Variants in CD99 observed in about 807,000 individuals in gnomAD.
CD99 encodes CD99 antigen.
CD99 carries 19 observed loss-of-function variants against 28.4 expected under a neutral mutation model. The ratio of observed to expected loss-of-function variants is 0.67; its 90% CI spans 0.47 to 0.98. The LOEUF (loss-of-function observed/expected upper bound fraction) is 0.98. Ranked by LOEUF, CD99 falls within the 50% of genes least tolerant of loss-of-function variation. The probability of loss-of-function intolerance (pLI) is 0.00; values close to 1 mark genes in which losing one functional copy is unlikely to be tolerated. For missense variants in CD99, 283 were observed against 248.8 expected (o/e 1.14, Z -0.92); for synonymous variants, 103 against 92.1 (o/e 1.12, Z -0.67).
intron 4 of CD99, 104 bp downstream of exon 4, chrX:2,719,809 GT>G: frequency 8.0e-7 from 1 of 1,245,754 alleles, no homozygotes; most frequent in Non-Finnish European, 1.2e-6. Context: ...AAGGGAACCA[GT>G]TTTCACAGTG....
At chrX:2,717,702 C>G (rs1330703324) in intron 3 of CD99, 50 bp downstream of exon 3, 1 of 1,546,040 alleles carries the variant, frequency 6.5e-7, no homozygotes, top group African/African-American at 1.4e-5. Flanking sequence ...AAATCATTTT[C>G]TCGGACAGCA....
At position 2,691,478 on chromosome X, in the gene CD99, G is replaced by A. The variant is rs765532414; in HGVS notation, c.67+51G>A. 5 of 1,540,654 alleles carry A rather than the reference G, an allele frequency of 3.2e-6. No homozygotes were observed. The African/African-American group carries it at 4.1e-5, about 13-fold the overall frequency. On this transcript the variant is annotated intron_variant, in intron 1 of 9. Transcript: ENST00000381192. ...GGGGGACGCGGAGGGCGCGGGCCGG[G>A]ACTGGGGATCCGCTTGAGATGCGGC...
chrX:2,705,021 G>C (rs1457352785), intron 1 of CD99, among the ~76,000 whole-genome samples: 1 of 152,162 alleles, frequency 6.6e-6, no homozygotes, highest in Non-Finnish European at 1.5e-5. Context: ...GGCCACCTAT[G>C]TATAATTTTC....
At position 2,691,425 on chromosome X, in the gene CD99, C is replaced by G. The variant is rs1181373499; in HGVS notation, c.65C>G (p.Pro22Arg). 11 of 1,583,076 alleles carry G rather than the reference C, an allele frequency of 6.9e-6. No individual in the cohort carries two copies. Among genetic ancestry groups the G allele is most frequent in the Admixed American group, 1.7e-5 (1 of 58,562 alleles). Reference sequence around the variant, plus strand: ...CTGCTGGGTGTTCTGGTCGCCGCCCCGGGTGAGCGAGCGGAGGGATCCGGG... The same window carrying G: ...CTGCTGGGTGTTCTGGTCGCCGCCCGGGGTGAGCGAGCGGAGGGATCCGGG... ...FGLLGVLVAA[P>R]DGGFDLSDAL... Residue 22 changes from proline to arginine, a missense_variant and splice_region_variant, in exon 1 of 10, where the codon CCG becomes CGG. Transcript: ENST00000381192.
chrX:2,739,306 TGTG>T (rs1038719456), intron 9 of CD99, among the ~76,000 whole-genome samples: 4 of 152,044 alleles, frequency 2.6e-5, no homozygotes, highest in East Asian at 1.9e-4. Flanking sequence ...AAGAAAAAAA[TGTG>T]TGTGTGTATA....
chrX:2,698,994 A>G (rs2047709918), intron 1 of CD99, among the ~76,000 whole-genome samples: 1 of 147,412 alleles, frequency 6.8e-6, no homozygotes, highest in Non-Finnish European at 1.5e-5. Context: ...TGGTACAGTC[A>G]TAGCTCACTG....
At chrX:2,731,422 T>G (rs1436958327) in intron 8 of CD99, among the ~76,000 whole-genome samples, 1 of 152,132 alleles carries the variant, frequency 6.6e-6, no homozygotes, top group African/African-American at 2.4e-5. Flanking sequence ...AAACCCTGGC[T>G]CTACTAAAAA....
In CD99 at chrX:2,719,725, C is replaced by T. The variant is rs760857735; in HGVS notation, c.193+20C>T. The T allele has an allele frequency of 1.2e-6, 2 of 1,609,518 alleles. No individual in the cohort carries two copies. The highest frequency in any genetic ancestry group is 1.7e-5 in the Admixed American group (1 of 59,998). ...AAAATGGTGAGTATTTTCCTTTAAT[C>T]TCTTCTGCTGCTGATCTGCTTATTA... is the stretch of plus-strand genomic sequence containing the variant. On this transcript the variant is annotated intron_variant, in intron 4 of 9. Coordinates refer to ENST00000381192, the MANE Select transcript of CD99 (RefSeq NM_002414.5).
In CD99 at chrX:2,740,791, T is replaced by C. The variant is rs759414214; in HGVS notation, c.545T>C (p.Leu182Pro). ...CTGTCTCCCACAGTTCAGCGTACTC[T>C]TTTAGAGAAATAGAAGATTGTCGGC... Reference protein sequence around the residue: ...ANAEPAVQRTLLEK With the variant: ...ANAEPAVQRTPLEK The change falls in exon 10 of 10, where the codon CTT becomes CCT. Residue 182 changes from leucine (L) to proline (P), a missense_variant. By Grantham distance (98) the Leu-to-Pro change is moderately conservative (BLOSUM62 -3). Transcript: ENST00000381192. The C allele has an allele frequency of 6.2e-7, 1 of 1,613,948 alleles. No homozygotes were observed. Among genetic ancestry groups the C allele is most frequent in the Non-Finnish European group, 8.5e-7 (1 of 1,179,852 alleles).
At chrX:2,738,422 C>T (rs945366714) in intron 9 of CD99, 166 bp downstream of exon 9, 1 of 180,520 alleles carries the variant, frequency 5.5e-6, no homozygotes, top group South Asian at 1.8e-4. Flanking sequence ...TTTCAAAAGA[C>T]AATGAATGTG....
intron 1 of CD99, among the ~76,000 whole-genome samples, chrX:2,712,490 ATATT>A (rs1458940602): frequency 6.6e-6 from 1 of 152,130 alleles, no homozygotes; most frequent in Non-Finnish European, 1.5e-5. Flanking sequence ...GTGCATATAT[ATATT>A]TATATGTGCG....
At chrX:2,694,086 G>A (rs1386241666) in intron 1 of CD99, among the ~76,000 whole-genome samples, 2 of 152,130 alleles carry the variant, frequency 1.3e-5, no homozygotes, top group African/African-American at 4.8e-5. Flanking sequence ...CTGCCGTCCC[G>A]ACAGTAGAGT....
chrX:2,702,443 C>T lies in CD99; in HGVS notation c.67+11016C>T, dbSNP rs144985469. ...GAGAAAGACAATGATATATTTTGGA[C>T]ACCATGAGAAATACTGTTATTAACT... On this transcript the variant is annotated intron_variant, in intron 1 of 9. Transcript: ENST00000381192. Among the ~76,000 whole-genome samples, 14 of 152,246 alleles carry T rather than the reference C, an allele frequency of 9.2e-5. No individual in the cohort carries two copies. The East Asian group carries it at 2.7e-3, about 29-fold the overall frequency.
chrX:2,739,920 T>TAAAAAAA (rs760923352), intron 9 of CD99, among the ~76,000 whole-genome samples: 2 of 110,138 alleles, frequency 1.8e-5, no homozygotes, highest in Admixed American at 9.5e-5. Flanking sequence ...TACTAAAAAT[T>TAAAAAAA]AAAAAAAAAA....
intron 1 of CD99, among the ~76,000 whole-genome samples, chrX:2,706,459 C>A (rs2048122717): frequency 6.6e-6 from 1 of 152,234 alleles, no homozygotes; most frequent in Admixed American, 6.5e-5. Context: ...TCTGCACCAC[C>A]TCCTCCTCCT....
rs1365777970 is a variant in CD99, at chrX:2,700,622, G to GTCCA, written c.67+9209_67+9212dup. 4.7e-5 allele frequency among the ~76,000 whole-genome samples: 7 copies of GTCCA among 148,492 alleles called. No individual in the cohort carries two copies. The South Asian group carries it at 1.3e-3, about 27-fold the overall frequency. On this transcript the variant is annotated intron_variant, in intron 1 of 9. Transcript: ENST00000381192. ...CCTTTATCCATCCGTTAATGCACCTGTCCATCCATCCATCCATTCTCCATT... is the reference window on the plus strand; with the variant it reads ...CCTTTATCCATCCGTTAATGCACCTGTCCATCCATCCATCCATCCATTCTCCATT...
At chrX:2,692,428 G>A (rs1423326849) in intron 1 of CD99, among the ~76,000 whole-genome samples, 1 of 152,174 alleles carries the variant, frequency 6.6e-6, no homozygotes, top group Non-Finnish European at 1.5e-5. Context: ...GATTTGTGTT[G>A]ATAGGATCTA....
intron 1 of CD99, among the ~76,000 whole-genome samples, chrX:2,712,671 G>C (rs780624407): frequency 6.6e-6 from 1 of 152,084 alleles, no homozygotes; most frequent in Non-Finnish European, 1.5e-5. Context: ...TTGTGGAAAC[G>C]ACTCCACTCT....
chrX:2,704,428 TTTTTC>T (rs2048025899), intron 1 of CD99, among the ~76,000 whole-genome samples: 1 of 152,100 alleles, frequency 6.6e-6, no homozygotes, highest in Admixed American at 6.5e-5. Flanking sequence ...ATCTTTTTCT[TTTTTC>T]TTTTCTTTCT....
Sources: gnomAD v4.1 joint callset for allele counts (sites outside exome capture counted in the v4.1 genomes callset) on GRCh38, gnomAD v4.1.1 for gene constraint, MANE v1.5 for transcripts, NCBI Gene and HGNC (gene_info 2026-07-23, HGNC 2026-07-21) for gene names.